The following FAM107B variants were observed in gnomAD, a reference collection of about 807,000 sequenced individuals.
The protein encoded by FAM107B is protein FAM107B.
FAM107B carries 21 observed loss-of-function variants against 31.5 expected under a neutral mutation model. The observed-to-expected ratio is 0.67, with a 90% CI of 0.47 to 0.96. The LOEUF (loss-of-function observed/expected upper bound fraction) is 0.96. Among genes scored for constraint, FAM107B ranks in the 40% least tolerant of loss-of-function variants. FAM107B has a pLI of 0.00. For missense variants in FAM107B, 452 were observed against 377.1 expected, an observed-to-expected ratio of 1.20 and a Z score of -1.64; for synonymous variants, 157 against 141.5, an observed-to-expected ratio of 1.11 and a Z score of -0.78.
intron 1 of FAM107B, among the ~76,000 whole-genome samples, chr10:14,752,117 A>G (rs1380916771): frequency 1.3e-5 from 2 of 152,112 alleles, no homozygotes; most frequent in Non-Finnish European, 2.9e-5. Context: ...CCAATATCCC[A>G]TCTGCTGAGG....
At chr10:14,589,726 T>C (rs915310016) in intron 2 of FAM107B, among the ~76,000 whole-genome samples, 5 of 152,046 alleles carry the variant, frequency 3.3e-5, no homozygotes, top group Admixed American at 2.6e-4. Flanking sequence ...AGATGACAGA[T>C]TGATGGGTGC....
intron 2 of FAM107B, among the ~76,000 whole-genome samples, chr10:14,665,890 G>A (rs1434771218): frequency 6.6e-6 from 1 of 152,138 alleles, no homozygotes; most frequent in Non-Finnish European, 1.5e-5. Context: ...TGTCTTGAGG[G>A]CAAGTGCCAT....
intron 2 of FAM107B, among the ~76,000 whole-genome samples, chr10:14,643,556 C>T (rs117348996): frequency 0.034 from 5,234 of 152,092 alleles, 110 homozygotes; most frequent in Middle Eastern, 0.058. Flanking sequence ...ACTACAGACA[C>T]ATGCCACCAC....
At chr10:14,740,372 A>G (rs1856408346) in intron 1 of FAM107B, among the ~76,000 whole-genome samples, 1 of 152,228 alleles carries the variant, frequency 6.6e-6, no homozygotes, top group South Asian at 2.1e-4. Context: ...TACATACTGT[A>G]TGATTCCAAC....
At chr10:14,599,069 C>T (rs1384734267) in intron 2 of FAM107B, among the ~76,000 whole-genome samples, 2 of 152,212 alleles carry the variant, frequency 1.3e-5, no homozygotes, top group African/African-American at 4.8e-5. Context: ...GCACTGACAA[C>T]AGAAAGGAGA....
At chr10:14,742,098 T>C (rs1201415363) in intron 1 of FAM107B, among the ~76,000 whole-genome samples, 1 of 151,972 alleles carries the variant, frequency 6.6e-6, no homozygotes, top group Non-Finnish European at 1.5e-5. Flanking sequence ...CACAGGTGTT[T>C]GGGGATTTTT....
intron 2 of FAM107B, among the ~76,000 whole-genome samples, chr10:14,553,925 T>C (rs1849478042): frequency 6.6e-6 from 1 of 152,156 alleles, no homozygotes; most frequent in Non-Finnish European, 1.5e-5. Flanking sequence ...AGGGCCAGGC[T>C]TCAAACAGGC....
intron 2 of FAM107B, among the ~76,000 whole-genome samples, chr10:14,604,795 A>G: frequency 6.6e-6 from 1 of 150,688 alleles, no homozygotes; most frequent in East Asian, 2.0e-4. Flanking sequence ...CTCTTCTTTT[A>G]TCTCTTTCTC....
intron 2 of FAM107B, among the ~76,000 whole-genome samples, chr10:14,569,237 G>C (rs1850974271): frequency 6.6e-6 from 1 of 152,076 alleles, no homozygotes; most frequent in South Asian, 2.1e-4. Context: ...AACCCTCATG[G>C]GTTTGCAGAT....
chr10:14,618,963 G>T (rs1016443147), intron 2 of FAM107B, among the ~76,000 whole-genome samples: 3 of 152,184 alleles, frequency 2.0e-5, no homozygotes, highest in Admixed American at 6.5e-5. Flanking sequence ...GCAGGAAGAA[G>T]ATGGTCTTGT....
chr10:14,739,817 G>C (rs1019903838), intron 1 of FAM107B, among the ~76,000 whole-genome samples: 2 of 152,162 alleles, frequency 1.3e-5, no homozygotes, highest in African/African-American at 4.8e-5. Flanking sequence ...ATCCCTGCAG[G>C]AGACTGGAGC....
chr10:14,536,328 G>A (rs1847600605), intron 2 of FAM107B, among the ~76,000 whole-genome samples: 1 of 152,174 alleles, frequency 6.6e-6, no homozygotes, highest in Non-Finnish European at 1.5e-5. Flanking sequence ...CTTTTGAACT[G>A]CTAAAACGTC....
intron 1 of FAM107B, among the ~76,000 whole-genome samples, chr10:14,747,779 C>A (rs985450570): frequency 1.3e-5 from 2 of 152,240 alleles, no homozygotes; most frequent in African/African-American, 4.8e-5. Flanking sequence ...AGTCAGGAGG[C>A]ACAGGATCTG....
chr10:14,736,330 G>C (rs1020716844), intron 1 of FAM107B, among the ~76,000 whole-genome samples: 6 of 152,250 alleles, frequency 3.9e-5, no homozygotes, highest in African/African-American at 1.4e-4. Context: ...TATTCTACTG[G>C]GTTGCTTATG....
At position 14,559,990 on chromosome 10, in the gene FAM107B, A is replaced by G. The variant is rs142516867; in HGVS notation, c.470-29475T>C. ...TCCTAATTCTTTCCATTTTCATACA[A>G]TCTCTGAATTAACAAACGCACAACC... On this transcript the variant is annotated intron_variant, in intron 2 of 4. Coordinates refer to ENST00000181796, the MANE Select transcript of FAM107B (RefSeq NM_031453.4). 5.9e-5 allele frequency among the ~76,000 whole-genome samples: 9 copies of G among 152,194 alleles called. No individual in the cohort carries two copies. In the East Asian group the frequency reaches 1.7e-3, roughly 29 times the overall value.
At position 14,713,532 on chromosome 10, in the gene FAM107B, T is replaced by A. The variant is rs547682745; in HGVS notation, c.412-45841A>T. ...ACTGAGCTGAGGGAGAAATAGACAC[T>A]GGAGTTCTCTTTTCCCTATTGTGCA... On this transcript the variant is annotated intron_variant, in intron 1 of 4. Coordinates refer to ENST00000181796, the MANE Select transcript of FAM107B (RefSeq NM_031453.4). 2.0e-5 allele frequency among the ~76,000 whole-genome samples: 3 copies of A among 152,306 alleles called. No individual in the cohort carries two copies. The South Asian group carries it at 6.2e-4, about 32-fold the overall frequency.
chr10:14,620,399 T>C (rs1186958912), intron 2 of FAM107B, among the ~76,000 whole-genome samples: 1 of 152,196 alleles, frequency 6.6e-6, no homozygotes, highest in Admixed American at 6.5e-5. Context: ...TGTATTACTT[T>C]ACAGTAACTC....
At chr10:14,763,939 C>T (rs1209867893) in intron 1 of FAM107B, among the ~76,000 whole-genome samples, 4 of 152,240 alleles carry the variant, frequency 2.6e-5, no homozygotes, top group Non-Finnish European at 5.9e-5. Flanking sequence ...ACCCTTTATT[C>T]GGCCTCTGTG....
intron 2 of FAM107B, among the ~76,000 whole-genome samples, chr10:14,583,425 C>G (rs1253885779): frequency 6.6e-6 from 1 of 152,176 alleles, no homozygotes; most frequent in African/African-American, 2.4e-5. Flanking sequence ...GACCGCAGCA[C>G]AGACCACAGA....
Sources: allele counts gnomAD v4.1 joint callset (sites outside exome capture counted in the v4.1 genomes callset), GRCh38; gene constraint gnomAD v4.1.1; transcripts MANE v1.5; gene names NCBI Gene and HGNC (gene_info 2026-07-23, HGNC 2026-07-21).